FMN2: variants seen among roughly 807,000 people sequenced by gnomAD.
FMN2 encodes the protein formin 2, also known as formin-2.
A neutral mutation model predicts 142.3 loss-of-function variants in FMN2; 51 were observed. The ratio of observed to expected loss-of-function variants is 0.36; its 90% CI spans 0.29 to 0.45. The LOEUF is 0.45. Ranked by LOEUF, FMN2 falls within the 20% of genes least tolerant of loss-of-function variation. The pLI is 1.00. For synonymous variants in FMN2, 882 were observed against 869.8 expected, an observed-to-expected ratio of 1.01 and a Z score of -0.25; for missense variants, 1,936 against 2,122.8, an observed-to-expected ratio of 0.91 and a Z score of 1.73.
Position 240,386,641 on chromosome 1 carries a change from C to T in FMN2, c.4859-5870C>T, listed in dbSNP as rs148318477. ...ACTAATCACTGGGTCAAAATAGTAA[C>T]TTAGTAGGACAGCAACCACCAGAAA... On this transcript the variant is annotated intron_variant, in intron 14 of 17. Transcript: ENST00000319653. 7.2e-3 allele frequency among the ~76,000 whole-genome samples: 1,100 copies of T among 152,256 alleles called. 12 individuals carry two copies. The highest frequency in any genetic ancestry group is 0.034 in the Middle Eastern group (10 of 294).
At chr1:240,117,586 C>T (rs114617291) in intron 1 of FMN2, among the ~76,000 whole-genome samples, 9 of 152,188 alleles carry the variant, frequency 5.9e-5, no homozygotes, top group South Asian at 2.1e-4. Flanking sequence ...TGACACAGCA[C>T]GAGTGATGGA....
At chr1:240,334,794 A>AT (rs1671506116) in intron 13 of FMN2, among the ~76,000 whole-genome samples, 1 of 152,170 alleles carries the variant, frequency 6.6e-6, no homozygotes, top group African/African-American at 2.4e-5. Context: ...TAGTTTGCAG[A>AT]TTTTTTTATT....
chr1:240,123,445 A>T, intron 2 of FMN2, 100 bp downstream of exon 2: 1 of 1,219,994 alleles, frequency 8.2e-7, no homozygotes, highest in Non-Finnish European at 1.1e-6. Flanking sequence ...TAAAAACAAC[A>T]TGTGATTCAA....
At chr1:240,185,708 G>A (rs112223191) in intron 3 of FMN2, among the ~76,000 whole-genome samples, 38 of 152,320 alleles carry the variant, frequency 2.5e-4, no homozygotes, top group African/African-American at 8.4e-4. Context: ...CATTTCTAAT[G>A]TAAAGAACTC....
intron 14 of FMN2, among the ~76,000 whole-genome samples, chr1:240,389,166 T>C (rs1258350008): frequency 6.6e-6 from 1 of 152,236 alleles, no homozygotes; most frequent in East Asian, 1.9e-4. Context: ...GCATACTTTA[T>C]TTAAATGAAG....
At chr1:240,152,230 G>T (rs753433040) in intron 2 of FMN2, among the ~76,000 whole-genome samples, 58 of 151,250 alleles carry the variant, frequency 3.8e-4, no homozygotes, top group Non-Finnish European at 5.3e-4. Context: ...ATCCAGTCCT[G>T]ATCCTCTGTC....
At chr1:240,096,972 A>C (rs1481997915) in intron 1 of FMN2, among the ~76,000 whole-genome samples, 2 of 152,208 alleles carry the variant, frequency 1.3e-5, no homozygotes, top group African/African-American at 4.8e-5. Flanking sequence ...TGTTTAGTAG[A>C]AAAAATGGCG....
chr1:240,396,916 C>A (rs1312316997), intron 15 of FMN2, among the ~76,000 whole-genome samples: 1 of 152,068 alleles, frequency 6.6e-6, no homozygotes, highest in African/African-American at 2.4e-5. Flanking sequence ...GATGAACATA[C>A]GAGTGTGTGT....
At chr1:240,187,617 G>C (rs780793046) in intron 3 of FMN2, among the ~76,000 whole-genome samples, 2 of 152,134 alleles carry the variant, frequency 1.3e-5, no homozygotes, top group Non-Finnish European at 1.5e-5. Context: ...TCTCGCTTAC[G>C]AAAAGAAATC....
chr1:240,376,706 T>G (rs1426687303), intron 14 of FMN2, among the ~76,000 whole-genome samples: 1 of 152,176 alleles, frequency 6.6e-6, no homozygotes, highest in Admixed American at 6.5e-5. Flanking sequence ...CATCATTTTA[T>G]ATAAGGGACT....
chr1:240,402,039 G>A (rs1012224034), intron 15 of FMN2, among the ~76,000 whole-genome samples: 1 of 152,216 alleles, frequency 6.6e-6, no homozygotes, highest in Non-Finnish European at 1.5e-5. Flanking sequence ...CTTTCTTGAA[G>A]GCTTATTCAT....
chr1:240,392,405 A>C (rs540034731), intron 14 of FMN2, 106 bp from the exon 15 acceptor site: 3 of 796,382 alleles, frequency 3.8e-6, no homozygotes, highest in Admixed American at 2.4e-5. Flanking sequence ...GTAGTACAAT[A>C]GAATTAATAA....
chr1:240,170,070 A>G (rs990011994), intron 2 of FMN2: 42 of 587,292 alleles, frequency 7.2e-5, no homozygotes, highest in East Asian at 4.2e-4. Context: ...AGATAAGCCA[A>G]TCATGGAATG....
chr1:240,174,095 T>C (rs1471393961), intron 2 of FMN2, among the ~76,000 whole-genome samples: 2 of 152,162 alleles, frequency 1.3e-5, no homozygotes, highest in Non-Finnish European at 2.9e-5. Flanking sequence ...AGGCCAAGCA[T>C]TTTTCTAAGC....
intron 8 of FMN2, among the ~76,000 whole-genome samples, chr1:240,316,420 G>C (rs1670780670): frequency 6.6e-6 from 1 of 152,178 alleles, no homozygotes; most frequent in Non-Finnish European, 1.5e-5. Context: ...GAGGAATTTT[G>C]TGTTGCTGAC....
Position 240,093,226 on chromosome 1 carries a change from G to T in FMN2, c.1117G>T (p.Asp373Tyr). The T allele has an allele frequency of 6.5e-7, 1 of 1,531,170 alleles. No individual in the cohort carries two copies. Among genetic ancestry groups the T allele is most frequent in the South Asian group, 1.3e-5 (1 of 79,430 alleles). 94.8% of individuals were successfully genotyped at this position (1,531,170 alleles called of 1,614,324 possible). Residue 373 changes from aspartate to tyrosine, a missense_variant, in exon 1 of 18, where the codon GAC becomes TAC. Physicochemically the swap from Asp to Tyr is radical, Grantham distance 160 (BLOSUM62 -3). This residue lies in a region of FMN2 where 751 missense variants were observed against 791.8 expected (regional missense o/e 0.95). Transcript: ENST00000319653. ...GGAGTGGGCCCCGGAGGTGGGAGAG[G>T]ACGCCCCGCAGAGGCTGGGGGAAGA... ...GEEWAPEVGE[D>Y]APQRLGEEPE...
rs1249170432 is a variant in FMN2, at chr1:240,207,627, G to C, written c.2815G>C (p.Gly939Arg). The C allele has an allele frequency of 1.7e-6, 2 of 1,149,914 alleles. No individual in the cohort carries two copies. The highest frequency in any genetic ancestry group is 1.7e-5 in the South Asian group (1 of 57,914). 71.2% of individuals were successfully genotyped at this position (1,149,914 alleles called of 1,614,324 possible). ...CATACTCCCTCTGCCCCCTCTACCC[G>C]GAGCGGGAATACCTCCTCCGCCCCC... ...AGILPLPPLP[G>R]AGIPPPPPLP... Residue 939 changes from glycine (G) to arginine (R), a missense_variant, in exon 5 of 18, where the codon GGA (glycine) becomes CGA (arginine). Physicochemically the swap from Gly to Arg is moderately radical, Grantham distance 125. Around this residue, in one of 8 missense-constraint regions of FMN2, gnomAD observed 478 missense variants for 462.8 expected, o/e 1.03. Transcript: ENST00000319653.
At chr1:240,303,131 C>T (rs529819371) in intron 8 of FMN2, among the ~76,000 whole-genome samples, 23 of 152,116 alleles carry the variant, frequency 1.5e-4, no homozygotes, top group East Asian at 5.8e-4. Context: ...CCTGAGGCTG[C>T]GCTCTCCTGC....
At chr1:240,243,776 A>G (rs939441569) in intron 6 of FMN2, among the ~76,000 whole-genome samples, 2 of 152,232 alleles carry the variant, frequency 1.3e-5, no homozygotes, top group African/African-American at 2.4e-5. Flanking sequence ...TTAGGCAAAG[A>G]CATGTCCTGA....
Sources: allele counts gnomAD v4.1 joint callset (sites outside exome capture counted in the v4.1 genomes callset), GRCh38; gene constraint gnomAD v4.1.1; regional missense constraint gnomAD v4.1.1; transcripts MANE v1.5; gene names NCBI Gene and HGNC (gene_info 2026-07-23, HGNC 2026-07-21).